Variants in SYT17 observed in about 807,000 individuals in gnomAD.
SYT17 encodes the protein synaptotagmin-17.
In SYT17, 22 loss-of-function variants were observed where a neutral mutation model predicts 46.7. That is an observed-to-expected ratio of 0.47 (90% CI 0.34 to 0.67). The LOEUF is 0.67. Ranked by LOEUF, SYT17 falls within the 30% of genes least tolerant of loss-of-function variation. The probability of loss-of-function intolerance (pLI) is 0.01; values close to 1 mark genes in which losing one functional copy is unlikely to be tolerated. For missense variants in SYT17, 519 were observed against 612.8 expected, an observed-to-expected ratio of 0.85 and a Z score of 1.62; for synonymous variants, 251 against 248.4, an observed-to-expected ratio of 1.01 and a Z score of -0.10.
intron 4 of SYT17, among the ~76,000 whole-genome samples, chr16:19,181,999 C>CAA (rs371941934): frequency 0.06 from 4,864 of 81,734 alleles, 113 homozygotes; most frequent in Middle Eastern, 0.094. Context: ...AACTCTGTCT[C>CAA]AAAAAAAAAA....
intron 5 of SYT17, among the ~76,000 whole-genome samples, chr16:19,187,619 G>C (rs1169502607): frequency 6.6e-6 from 1 of 152,108 alleles, no homozygotes; most frequent in Non-Finnish European, 1.5e-5. Flanking sequence ...AGGCACTGGA[G>C]ACTCTGACTG....
chr16:19,207,655 A>G (rs763801547), intron 5 of SYT17, among the ~76,000 whole-genome samples: 13 of 152,150 alleles, frequency 8.5e-5, no homozygotes, highest in Non-Finnish European at 1.9e-4. Context: ...CTCACCTCCA[A>G]CATTGGGGGA....
intron 5 of SYT17, among the ~76,000 whole-genome samples, chr16:19,218,073 G>A (rs918059198): frequency 1.2e-4 from 19 of 152,148 alleles, no homozygotes; most frequent in Non-Finnish European, 1.8e-4. Context: ...CTCTAAGCTT[G>A]AATTCTTTCA....
At chr16:19,223,657 G>T (rs1263685553) in intron 6 of SYT17, among the ~76,000 whole-genome samples, 1 of 152,170 alleles carries the variant, frequency 6.6e-6, no homozygotes, top group African/African-American at 2.4e-5. Flanking sequence ...CTTCTTCCAT[G>T]ACAGCAAAGG....
chr16:19,237,833 C>G (rs1966869489), intron 7 of SYT17, among the ~76,000 whole-genome samples: 1 of 152,224 alleles, frequency 6.6e-6, no homozygotes, highest in Non-Finnish European at 1.5e-5. Flanking sequence ...CTTTGAATAG[C>G]TAGGAGACCC....
intron 4 of SYT17, among the ~76,000 whole-genome samples, chr16:19,180,904 T>A (rs144308316): frequency 4.0e-4 from 61 of 152,268 alleles, no homozygotes; most frequent in African/African-American, 1.3e-3. Flanking sequence ...GCTAGGCGGG[T>A]TGCATCAGTG....
chr16:19,192,428 A>C (rs970320960), intron 5 of SYT17, among the ~76,000 whole-genome samples: 10 of 151,696 alleles, frequency 6.6e-5, no homozygotes, highest in African/African-American at 2.4e-4. Context: ...CTCATAGAAA[A>C]AAAAAGAAAT....
intron 6 of SYT17, among the ~76,000 whole-genome samples, chr16:19,223,419 T>C (rs181575015): frequency 6.6e-6 from 1 of 152,286 alleles, no homozygotes; most frequent in African/African-American, 2.4e-5. Flanking sequence ...TCCTGCAATG[T>C]AGACGCCATC....
intron 7 of SYT17, among the ~76,000 whole-genome samples, chr16:19,255,645 C>T (rs1488454399): frequency 2.6e-5 from 4 of 151,948 alleles, no homozygotes; most frequent in Non-Finnish European, 5.9e-5. Context: ...ATTAGCTGGG[C>T]GTGGTGAGGT....
rs1374707013 is a variant in SYT17 at position 19,183,529 on chromosome 16, T to G, written c.333T>G (p.Ser111Arg). 6.2e-7 allele frequency: 1 copy of G among 1,613,590 alleles called. No homozygotes were observed. The highest frequency in any genetic ancestry group is 8.5e-7 in the Non-Finnish European group (1 of 1,179,550). Residue 111 changes from serine to arginine, a missense_variant and splice_region_variant, in exon 5 of 8, where the codon AGT becomes AGG. By Grantham distance (110) the Ser-to-Arg change is moderately radical. Transcript: ENST00000355377. This position sits in a 1 kb window ranked among gnomAD's most constrained non-coding sequence, Gnocchi z 5.6. ...STYSLTRRISSLESRRPSSPL... is the reference protein window; with the variant it reads ...STYSLTRRISRLESRRPSSPL... ...ATTGTTATTTCTGGTGGCTCTCAGGTCTTGAGTCAAGACGTCCCAGCTCTC... is the reference window on the plus strand; with the variant it reads ...ATTGTTATTTCTGGTGGCTCTCAGGGCTTGAGTCAAGACGTCCCAGCTCTC...
chr16:19,236,162 C>G (rs1966845256), intron 7 of SYT17, among the ~76,000 whole-genome samples: 1 of 152,154 alleles, frequency 6.6e-6, no homozygotes, highest in Admixed American at 6.6e-5. Flanking sequence ...CATGAGGAAG[C>G]TGTGTGGCAC....
At chr16:19,249,755 CA>C (rs1386308222) in intron 7 of SYT17, among the ~76,000 whole-genome samples, 3 of 152,098 alleles carry the variant, frequency 2.0e-5, no homozygotes, top group Non-Finnish European at 4.4e-5. Flanking sequence ...TTTGGGTAGA[CA>C]AAATATGAAG....
At chr16:19,186,454 A>G (rs1964794362) in intron 5 of SYT17, among the ~76,000 whole-genome samples, 1 of 152,358 alleles carries the variant, frequency 6.6e-6, no homozygotes, top group African/African-American at 2.4e-5. Flanking sequence ...GATGCACTCC[A>G]GCCTGGTCAA....
At position 19,233,266 on chromosome 16, in the gene SYT17, C is replaced by T. The variant is rs116609098; in HGVS notation, c.1228+8428C>T. 8.0e-3 allele frequency among the ~76,000 whole-genome samples: 1,211 copies of T among 152,132 alleles called. 14 individuals are homozygous for T. The highest frequency in any genetic ancestry group is 0.027 in the African/African-American group (1,126 of 41,528). On this transcript the variant is annotated intron_variant, in intron 7 of 7. Coordinates refer to ENST00000355377, the MANE Select transcript of SYT17 (RefSeq NM_016524.4). ...GTGAGATGAGATGGGTGGGAAGGCA[C>T]GGCGGGGAATGGGTGGGAGGCCTGG...
At chr16:19,180,815 G>A (rs544062012) in intron 4 of SYT17, among the ~76,000 whole-genome samples, 1 of 152,324 alleles carries the variant, frequency 6.6e-6, no homozygotes, top group Admixed American at 6.5e-5. Flanking sequence ...AACATTGTCA[G>A]TGTATATCAT....
At chr16:19,244,522 T>TGGG (rs5816040) in intron 7 of SYT17, among the ~76,000 whole-genome samples, 1 of 152,080 alleles carries the variant, frequency 6.6e-6, no homozygotes, top group African/African-American at 2.4e-5. Context: ...TTTGTAGAGA[T>TGGG]GGGGGTCTCA....
At chr16:19,265,139 G>A (rs1192738522) in intron 7 of SYT17, among the ~76,000 whole-genome samples, 2 of 152,118 alleles carry the variant, frequency 1.3e-5, no homozygotes, top group African/African-American at 4.8e-5. Flanking sequence ...ACCTTACACT[G>A]CCCACTAAGT....
chr16:19,242,685 CTGGCTAATTTT>C (rs1967220622), intron 7 of SYT17, among the ~76,000 whole-genome samples: 1 of 152,030 alleles, frequency 6.6e-6, no homozygotes, highest in African/African-American at 2.4e-5. Context: ...GCCACCATGC[CTGGCTAATTTT>C]TGTACTTTTT....
chr16:19,180,634 G>C (rs1437641350), intron 4 of SYT17, 95 bp downstream of exon 4: 1 of 1,469,636 alleles, frequency 6.8e-7, no homozygotes, highest in Non-Finnish European at 9.3e-7. Flanking sequence ...ATTGCTGGGG[G>C]AGGGCGGCAG....
Sources: allele counts gnomAD v4.1 joint callset (sites outside exome capture counted in the v4.1 genomes callset), GRCh38; gene constraint gnomAD v4.1.1; non-coding constraint Gnocchi (gnomAD v3.1); transcripts MANE v1.5; gene names NCBI Gene and HGNC (gene_info 2026-07-23, HGNC 2026-07-21).